AIG1: variants seen among roughly 807,000 people sequenced by gnomAD.
AIG1 encodes androgen-induced gene 1 protein.
A neutral mutation model predicts 31.4 loss-of-function variants in AIG1; 23 were observed. That is an observed-to-expected ratio of 0.73 (90% CI 0.53 to 1.04). The LOEUF (loss-of-function observed/expected upper bound fraction) is 1.04. Among genes scored for constraint, AIG1 ranks in the 50% least tolerant of loss-of-function variants. The pLI is 0.00. For synonymous variants in AIG1, 100 were observed against 110.5 expected (o/e 0.90, Z 0.60); for missense variants, 274 against 295.0 (o/e 0.93, Z 0.52).
At chr6:143,213,096 G>A (rs1278610532) in intron 3 of AIG1, among the ~76,000 whole-genome samples, 3 of 152,150 alleles carry the variant, frequency 2.0e-5, no homozygotes, top group Non-Finnish European at 4.4e-5. Flanking sequence ...GTTGTTCTTA[G>A]CGCTTGTGTT....
chr6:143,238,160 C>T (rs1383842738), intron 3 of AIG1, among the ~76,000 whole-genome samples: 4 of 152,126 alleles, frequency 2.6e-5, no homozygotes, highest in African/African-American at 4.8e-5. Context: ...AGGCTGGTCT[C>T]GAACTCCTGA....
chr6:143,155,374 G>A (rs1583349867), intron 2 of AIG1, among the ~76,000 whole-genome samples: 1 of 152,164 alleles, frequency 6.6e-6, no homozygotes, highest in African/African-American at 2.4e-5. Context: ...GGGCAGCTCA[G>A]GAGAGGCTTC....
chr6:143,185,322 G>A (rs1789156197), intron 3 of AIG1, among the ~76,000 whole-genome samples: 2 of 152,060 alleles, frequency 1.3e-5, no homozygotes, highest in African/African-American at 2.4e-5. Context: ...ACTTCCCTGA[G>A]CCCATTTATG....
chr6:143,188,755 T>C, intron 3 of AIG1: 3 of 985,354 alleles, frequency 3.0e-6, no homozygotes, highest in Non-Finnish European at 3.6e-6. Context: ...TCTAATAATC[T>C]CCACAAAGTA....
chr6:143,192,071 A>C lies in AIG1; in HGVS notation c.399+26888A>C, dbSNP rs181351545. Among the ~76,000 whole-genome samples the C allele has an allele frequency of 1.4e-3, 218 of 152,332 alleles. 1 individual carries two copies. The highest frequency in any genetic ancestry group is 2.3e-3 in the Non-Finnish European group (155 of 68,024). On this transcript the variant is annotated intron_variant, in intron 3 of 5. Coordinates refer to ENST00000357847, the MANE Select transcript of AIG1 (RefSeq NM_016108.4). ...GATGTAAAAAACATAAAAGTGATAAAATCAATTGTTTAATTGCTTTAAACT... is the reference window on the plus strand; with the variant it reads ...GATGTAAAAAACATAAAAGTGATAACATCAATTGTTTAATTGCTTTAAACT...
chr6:143,335,083 T>C (rs1012531404), intron 5 of AIG1: 6 of 1,451,136 alleles, frequency 4.1e-6, no homozygotes, highest in Non-Finnish European at 5.5e-6. Context: ...CCTAGGACCA[T>C]CTAGTTAGTT....
chr6:143,289,323 T>A (rs899458698), intron 4 of AIG1, among the ~76,000 whole-genome samples: 2 of 152,178 alleles, frequency 1.3e-5, no homozygotes, highest in African/African-American at 4.8e-5. Flanking sequence ...AAATGTGGAA[T>A]CTTATTGCCC....
chr6:143,228,808 G>A (rs750017552), intron 3 of AIG1, among the ~76,000 whole-genome samples: 3 of 152,120 alleles, frequency 2.0e-5, no homozygotes, highest in Non-Finnish European at 4.4e-5. Flanking sequence ...TGTGGAGCTC[G>A]CTTTTAAAAA....
At position 143,328,012 on chromosome 6, in the gene AIG1, T is replaced by C. The variant is rs1214062128; in HGVS notation, c.516-5270T>C. ...AGTAGTGAACATGATGCCATAGCCA[T>C]GAATGAACTCATCAACTGAGAATGC... On this transcript the variant is annotated intron_variant, in intron 4 of 5. Coordinates refer to ENST00000357847, the MANE Select transcript of AIG1 (RefSeq NM_016108.4). The surrounding 1 kb of genome is among the most constrained non-coding windows in gnomAD (Gnocchi z 4.0). Among the ~76,000 whole-genome samples, 1 of 152,112 alleles carries C rather than the reference T, an allele frequency of 6.6e-6. No homozygotes were observed. The highest frequency in any genetic ancestry group is 2.4e-5 in the African/African-American group (1 of 41,424).
At chr6:143,315,685 G>A (rs536323315) in intron 4 of AIG1, among the ~76,000 whole-genome samples, 4 of 152,134 alleles carry the variant, frequency 2.6e-5, no homozygotes, top group East Asian at 3.9e-4. Flanking sequence ...ATGGATCATA[G>A]ACTTAAATGT....
At chr6:143,131,745 A>T (rs749928885) in intron 1 of AIG1, among the ~76,000 whole-genome samples, 3 of 152,194 alleles carry the variant, frequency 2.0e-5, no homozygotes, top group Non-Finnish European at 4.4e-5. Context: ...CCTCCACGTA[A>T]GGGCCTAGCT....
upstream of AIG1, among the ~76,000 whole-genome samples, chr6:143,059,955 G>C (rs1386618893): frequency 2.0e-5 from 3 of 152,118 alleles, no homozygotes; most frequent in African/African-American, 4.8e-5. Flanking sequence ...ATTAAGCCCT[G>C]GTAGTGTAGT....
intron 1 of AIG1, among the ~76,000 whole-genome samples, chr6:143,107,182 G>A (rs539681059): frequency 2.6e-5 from 4 of 152,280 alleles, no homozygotes; most frequent in Non-Finnish European, 5.9e-5. Context: ...TTATAACGTA[G>A]CACTGTTTTA....
chr6:143,247,278 C>T (rs1161268714), intron 3 of AIG1, among the ~76,000 whole-genome samples: 3 of 152,176 alleles, frequency 2.0e-5, no homozygotes, highest in Admixed American at 6.5e-5. Flanking sequence ...ACTACAAGTG[C>T]ACGCCACCAT....
intron 2 of AIG1, among the ~76,000 whole-genome samples, chr6:143,137,911 A>G (rs1446738691): frequency 6.6e-6 from 1 of 152,220 alleles, no homozygotes; most frequent in Non-Finnish European, 1.5e-5. Context: ...GATGTGGTCT[A>G]GCACATGCAC....
At chr6:143,335,649 A>G (rs547298954) in intron 5 of AIG1, 2 of 152,254 alleles carry the variant, frequency 1.3e-5, no homozygotes, top group African/African-American at 4.8e-5. Flanking sequence ...ACAATGGTTT[A>G]GAATAGAGTA....
At chr6:143,200,749 T>A (rs1790631783) in intron 3 of AIG1, among the ~76,000 whole-genome samples, 1 of 152,268 alleles carries the variant, frequency 6.6e-6, no homozygotes, top group Middle Eastern at 3.4e-3. Context: ...TTCCGTTTCT[T>A]TGTAGGCTCC....
rs1484371218 is a variant in AIG1 at position 143,276,669 on chromosome 6, G to T, written c.400-7441G>T. ...GACTTCTGGAGAAACAGAAACTATA[G>T]TGGCTGAGACTGGCAGTTCCTCATC... On this transcript the variant is annotated intron_variant, in intron 3 of 5. Coordinates refer to ENST00000357847, the MANE Select transcript of AIG1 (RefSeq NM_016108.4). Among the ~76,000 whole-genome samples, 3 of 152,022 alleles carry T rather than the reference G, an allele frequency of 2.0e-5. No homozygotes were observed. In the East Asian group the frequency reaches 5.8e-4, roughly 29 times the overall value.
intron 3 of AIG1, among the ~76,000 whole-genome samples, chr6:143,211,168 G>C (rs774334439): frequency 3.7e-4 from 57 of 152,294 alleles, no homozygotes; most frequent in Non-Finnish European, 4.6e-4. Context: ...TAAGGTGACA[G>C]AGTGAGTGAG....
Sources: gnomAD v4.1 joint callset for allele counts (sites outside exome capture counted in the v4.1 genomes callset) on GRCh38, gnomAD v4.1.1 for gene constraint, Gnocchi (gnomAD v3.1) non-coding constraint, MANE v1.5 for transcripts, NCBI Gene and HGNC (gene_info 2026-07-23, HGNC 2026-07-21) for gene names.